Variants in AFTPH observed in about 807,000 individuals in gnomAD.
AFTPH encodes aftiphilin.
In AFTPH, 7 loss-of-function variants were observed where a neutral mutation model predicts 72.5. That is an observed-to-expected ratio of 0.10 (90% CI 0.05 to 0.18). AFTPH has a LOEUF of 0.18. AFTPH is among the 10% of genes least tolerant of loss of function. The probability of loss-of-function intolerance (pLI) is 1.00; values close to 1 mark genes in which losing one functional copy is unlikely to be tolerated. For synonymous variants in AFTPH, 337 were observed against 370.1 expected, an observed-to-expected ratio of 0.91 and a Z score of 1.03; for missense variants, 979 against 1,060.5, an observed-to-expected ratio of 0.92 and a Z score of 1.07.
At chr2:64,556,945 G>C (rs190393441) in intron 2 of AFTPH, among the ~76,000 whole-genome samples, 1 of 152,292 alleles carries the variant, frequency 6.6e-6, no homozygotes, top group East Asian at 1.9e-4. Context: ...AAGGTAAGTA[G>C]TGGTATCTCC....
intron 1 of AFTPH, among the ~76,000 whole-genome samples, chr2:64,542,877 G>A (rs1243602847): frequency 6.6e-6 from 1 of 152,168 alleles, no homozygotes; most frequent in Non-Finnish European, 1.5e-5. Flanking sequence ...CCACAGAGTT[G>A]GTGAAAGTTA....
intron 8 of AFTPH, among the ~76,000 whole-genome samples, chr2:64,589,191 G>A (rs1410620779): frequency 1.3e-5 from 2 of 152,022 alleles, no homozygotes; most frequent in African/African-American, 2.4e-5. Context: ...TTACATTTAG[G>A]TCTTTAATCC....
chr2:64,590,060 T>G (rs1673733357), intron 8 of AFTPH, among the ~76,000 whole-genome samples: 1 of 152,036 alleles, frequency 6.6e-6, no homozygotes, highest in Non-Finnish European at 1.5e-5. Context: ...GAGTTTTCAT[T>G]TCATCTACTT....
chr2:64,549,482 G>T lies in AFTPH; in HGVS notation c.-32-1961G>T, dbSNP rs7589287. Among the ~76,000 whole-genome samples the T allele has an allele frequency of 6.5e-3, 961 of 148,406 alleles. 12 individuals carry two copies. The highest frequency in any genetic ancestry group is 0.022 in the African/African-American group (897 of 41,170). ...ATTACAGATGTGCACCACCACGCCC[G>T]GCTAATTTTTTTATTTTTAGTAGAG... On this transcript the variant is annotated intron_variant, in intron 1 of 8. Transcript: ENST00000238856.
rs1671032108 is a variant in AFTPH, at chr2:64,551,312, G to T, written c.-32-131G>T. 8.5e-6 allele frequency: 6 copies of T among 704,958 alleles called. No homozygotes were observed. The South Asian group carries it at 1.3e-4, about 15-fold the overall frequency. The allele number at this position is 704,958 out of a possible 1,614,324, so 43.7% of individuals were successfully genotyped here. A position where few individuals can be genotyped will look rare whatever the true frequency, so the allele number is the denominator to read the frequency against. On this transcript the variant is annotated intron_variant, in intron 1 of 8. Coordinates refer to ENST00000238856, the Ensembl canonical transcript of AFTPH. The stretch of plus-strand genomic sequence containing the variant: ...GATACAAAACATCATGCAGGACATG[G>T]TCAAGGAAAAAAGGAGACAAAATAG...
At chr2:64,527,441 G>A (rs148885901) in intron 1 of AFTPH, among the ~76,000 whole-genome samples, 2,648 of 152,240 alleles carry the variant, frequency 0.017, 43 homozygotes, top group Non-Finnish European at 0.026. Flanking sequence ...TTAGCCGGGT[G>A]TGGTGGCACA....
chr2:64,545,418 A>G (rs1670518558), intron 1 of AFTPH, among the ~76,000 whole-genome samples: 1 of 150,690 alleles, frequency 6.6e-6, no homozygotes, highest in Non-Finnish European at 1.5e-5. Context: ...TATTATGTAT[A>G]TACTGTTTAT....
At chr2:64,525,720 ATTATG>A (rs549566309) in intron 1 of AFTPH, among the ~76,000 whole-genome samples, 343 of 152,330 alleles carry the variant, frequency 2.3e-3, no homozygotes, top group Middle Eastern at 0.01. Context: ...TTTCAACATT[ATTATG>A]TTAATATAAT....
At chr2:64,582,797 A>ATTTTTGGTTACAT (rs942247176) in intron 7 of AFTPH, among the ~76,000 whole-genome samples, 29 of 152,272 alleles carry the variant, frequency 1.9e-4, no homozygotes, top group African/African-American at 7.0e-4. Context: ...TTTAAATTTA[A>ATTTTTGGTTACAT]TTTTTGGTTA....
chr2:64,581,038 ATT>A (rs1371296577), intron 7 of AFTPH, 150 bp from the exon 8 acceptor site: 1 of 551,108 alleles, frequency 1.8e-6, no homozygotes, highest in African/African-American at 2.0e-5. Flanking sequence ...TACTGTACAC[ATT>A]GTTTTAATGT....
At chr2:64,590,345 T>C (rs1348062413) in intron 8 of AFTPH, among the ~76,000 whole-genome samples, 1 of 152,168 alleles carries the variant, frequency 6.6e-6, no homozygotes, top group East Asian at 1.9e-4. Flanking sequence ...AATTGGAAAT[T>C]ATATCTAAAG....
chr2:64,557,989 G>C (rs1282731333), intron 2 of AFTPH, among the ~76,000 whole-genome samples: 1 of 152,150 alleles, frequency 6.6e-6, no homozygotes, highest in African/African-American at 2.4e-5. Context: ...TCTTTATACA[G>C]CTTGAAATTG....
chr2:64,589,282 A>G (rs1441330670), intron 8 of AFTPH, among the ~76,000 whole-genome samples: 1 of 152,180 alleles, frequency 6.6e-6, no homozygotes, highest in Non-Finnish European at 1.5e-5. Flanking sequence ...GTTGTCTGAA[A>G]ACTGTTGAAA....
At chr2:64,537,149 A>G (rs1669942728) in intron 1 of AFTPH, among the ~76,000 whole-genome samples, 2 of 152,056 alleles carry the variant, frequency 1.3e-5, no homozygotes, top group Non-Finnish European at 2.9e-5. Flanking sequence ...AACAAACAAT[A>G]CTGGAATCAA....
At chr2:64,569,161 C>T (rs778261896) in exon 4 of AFTPH, 22 of 1,613,852 alleles carry the variant, frequency 1.4e-5, no homozygotes, top group Non-Finnish European at 1.8e-5. Context: ...ACCAGTGGGG[C>T]GGCTCCCATA....
intron 1 of AFTPH, among the ~76,000 whole-genome samples, chr2:64,549,781 GA>G (rs11315536): frequency 0.12 from 17,162 of 148,966 alleles, 2,735 homozygotes; most frequent in African/African-American, 0.35. Flanking sequence ...TGGCTGTTGA[GA>G]AAAAAAAAAT....
intron 1 of AFTPH, among the ~76,000 whole-genome samples, chr2:64,549,186 T>C (rs926392070): frequency 6.6e-6 from 1 of 152,158 alleles, no homozygotes; most frequent in Non-Finnish European, 1.5e-5. Flanking sequence ...CTTGCAAAAC[T>C]GGTTGAATTT....
At chr2:64,550,732 A>ACACACAC (rs1558605124) in intron 1 of AFTPH, among the ~76,000 whole-genome samples, 2 of 106,782 alleles carry the variant, frequency 1.9e-5, no homozygotes, top group Non-Finnish European at 4.3e-5. Flanking sequence ...CACACACACA[A>ACACACAC]CTGGTGAAAT....
chr2:64,553,681 G>C (rs1671186517), intron 2 of AFTPH, among the ~76,000 whole-genome samples: 1 of 141,316 alleles, frequency 7.1e-6, no homozygotes, highest in African/African-American at 2.7e-5. Flanking sequence ...ATTTTTTGGT[G>C]ACTATAAATA....
Sources: allele counts gnomAD v4.1 joint callset (sites outside exome capture counted in the v4.1 genomes callset), GRCh38; gene constraint gnomAD v4.1.1; transcripts MANE v1.5; gene names NCBI Gene and HGNC (gene_info 2026-07-23, HGNC 2026-07-21).